The following PLA2G7 variants were observed in gnomAD, a reference collection of about 807,000 sequenced individuals.
The protein encoded by PLA2G7 is platelet-activating factor acetylhydrolase.
A neutral mutation model predicts 49.6 loss-of-function variants in PLA2G7; 63 were observed. That is an observed-to-expected ratio of 1.27 (90% CI 1.04 to 1.57). PLA2G7 has a LOEUF of 1.57. Ranked by LOEUF, PLA2G7 falls within the 40% of genes most tolerant of loss-of-function variation. PLA2G7 has a pLI of 0.00. For missense variants in PLA2G7, 596 were observed against 521.2 expected (o/e 1.14, Z -1.40); for synonymous variants, 193 against 169.9 (o/e 1.14, Z -1.06).
At chr6:46,706,402 G>A (rs1328048449) in intron 10 of PLA2G7, among the ~76,000 whole-genome samples, 1 of 152,244 alleles carries the variant, frequency 6.6e-6, no homozygotes, top group African/African-American at 2.4e-5. Context: ...TGGATGATCT[G>A]ACTGTAGAGA....
At position 46,711,513 on chromosome 6, in the gene PLA2G7, G is replaced by T; in HGVS notation, c.646C>A (p.His216Asn). 1 of 1,613,698 alleles carries T rather than the reference G, an allele frequency of 6.2e-7. No individual in the cohort carries two copies. Among genetic ancestry groups the T allele is most frequent in the Middle Eastern group, 1.7e-4 (1 of 6,056 alleles). Reference sequence around the variant, plus strand: ...CAATGTACCTGCTCATTTCGTATATGTGTCTCCTCCTCTTGTTTCAGGGTT... The same window carrying T: ...CAATGTACCTGCTCATTTCGTATATTTGTCTCCTCCTCTTGTTTCAGGGTT... ...LRTLKQEEET[H>N]IRNEQVRQRA... The change falls in exon 7 of 12, where the codon CAT becomes AAT. Residue 216 changes from histidine to asparagine, a missense_variant. By Grantham distance (68) the His-to-Asn change is moderately conservative. Coordinates refer to ENST00000274793, the MANE Select transcript of PLA2G7 (RefSeq NM_005084.4).
chr6:46,708,466 C>A (rs560341992), intron 9 of PLA2G7, among the ~76,000 whole-genome samples: 1 of 152,092 alleles, frequency 6.6e-6, no homozygotes, highest in Admixed American at 6.6e-5. Context: ...ATAATTTCTT[C>A]AACACTGTGG....
chr6:46,734,401 G>GGTGTGT lies in PLA2G7; in HGVS notation c.-35+773_-35+778dup, dbSNP rs371692865. Reference sequence around the variant, plus strand: ...GGAGGCAGAGTGAGAGGTGTGTAGTGGTGTGTGTGTGTGTGAGAGAGAGAG... The same window carrying GGTGTGT: ...GGAGGCAGAGTGAGAGGTGTGTAGTGGTGTGTGTGTGTGTGTGTGTGAGAGAGAGAG... On this transcript the variant is annotated intron_variant, in intron 1 of 11. Coordinates refer to ENST00000274793, the MANE Select transcript of PLA2G7 (RefSeq NM_005084.4). Among the ~76,000 whole-genome samples, 628 of 75,382 alleles carry GGTGTGT rather than the reference G, an allele frequency of 8.3e-3. 99 individuals carry two copies. The highest frequency in any genetic ancestry group is 0.026 in the African/African-American group (282 of 10,778). 49.5% of individuals were successfully genotyped at this position (75,382 alleles called of 152,430 possible).
chr6:46,727,408 C>T (rs939692324), intron 1 of PLA2G7, among the ~76,000 whole-genome samples: 1 of 152,176 alleles, frequency 6.6e-6, no homozygotes, highest in Non-Finnish European at 1.5e-5. Flanking sequence ...TGGGCCTTAG[C>T]TCTTGTGTTA....
Position 46,705,318 on chromosome 6 carries a change from C to T in PLA2G7, c.1041-17G>A, listed in dbSNP as rs373678655. ...ACTGAACCCCTAAAAGAGAACAAGA[C>T]ATTTAAAAGTCACATTGTTTGATAA... On this transcript the variant is annotated splice_polypyrimidine_tract_variant and intron_variant, in intron 10 of 11. Transcript: ENST00000274793. 2.0e-5 allele frequency: 32 copies of T among 1,604,074 alleles called. No homozygotes were observed. The highest frequency in any genetic ancestry group is 2.5e-5 in the Non-Finnish European group (29 of 1,171,834).
chr6:46,731,875 A>G (rs1391611781), intron 1 of PLA2G7, among the ~76,000 whole-genome samples: 1 of 151,914 alleles, frequency 6.6e-6, no homozygotes, highest in Non-Finnish European at 1.5e-5. Flanking sequence ...TCCCACTGTA[A>G]CTCCAAAAAA....
At chr6:46,728,174 A>G (rs34405250) in intron 1 of PLA2G7, among the ~76,000 whole-genome samples, 31,679 of 152,174 alleles carry the variant, frequency 0.21, 3,754 homozygotes, top group South Asian at 0.46. Flanking sequence ...TCTTCTTTGG[A>G]TATTTTACAA....
chr6:46,722,744 G>A (rs1416996628), intron 2 of PLA2G7, 39 bp downstream of exon 2: 7 of 1,207,002 alleles, frequency 5.8e-6, no homozygotes, highest in Non-Finnish European at 8.6e-6. Flanking sequence ...TATGGCGACA[G>A]ATCAGTTGCT....
At chr6:46,721,628 A>G (rs1295997517) in intron 2 of PLA2G7, among the ~76,000 whole-genome samples, 1 of 150,000 alleles carries the variant, frequency 6.7e-6, no homozygotes, top group Non-Finnish European at 1.5e-5. Context: ...ACTTAATGTC[A>G]TCTAGGATGC....
intron 2 of PLA2G7, among the ~76,000 whole-genome samples, chr6:46,718,027 T>C (rs950747059): frequency 6.6e-6 from 1 of 152,222 alleles, no homozygotes; most frequent in African/African-American, 2.4e-5. Context: ...CAAACCTCTA[T>C]TGCTAACATT....
At chr6:46,728,248 A>G (rs1167244130) in intron 1 of PLA2G7, among the ~76,000 whole-genome samples, 2 of 152,160 alleles carry the variant, frequency 1.3e-5, no homozygotes, top group Non-Finnish European at 1.5e-5. Context: ...CAACTAAGGC[A>G]TTTTTGCCCC....
At chr6:46,731,468 T>A (rs1765733202) in intron 1 of PLA2G7, among the ~76,000 whole-genome samples, 1 of 152,186 alleles carries the variant, frequency 6.6e-6, no homozygotes, top group South Asian at 2.1e-4. Flanking sequence ...CTTTAATTAT[T>A]CTATTTTTGA....
chr6:46,704,777 A>T lies in PLA2G7; in HGVS notation c.1190-81T>A, dbSNP rs1465846545. ...TTGGTGCCCCTAGGTGGCAATAAAGATTTACAAATTACACAAGTTCCGTTA... is the reference window on the plus strand; with the variant it reads ...TTGGTGCCCCTAGGTGGCAATAAAGTTTTACAAATTACACAAGTTCCGTTA... On this transcript the variant is annotated intron_variant, in intron 11 of 11. Transcript: ENST00000274793. 3 of 854,368 alleles carry T rather than the reference A, an allele frequency of 3.5e-6. No individual in the cohort carries two copies. The African/African-American group carries it at 5.0e-5, about 14-fold the overall frequency. The allele number at this position is 854,368 out of a possible 1,614,324, so 52.9% of individuals were successfully genotyped here.
intron 2 of PLA2G7, among the ~76,000 whole-genome samples, chr6:46,718,889 C>G (rs1480077501): frequency 2.6e-5 from 4 of 152,198 alleles, no homozygotes; most frequent in Non-Finnish European, 5.9e-5. Context: ...AGTCAATGCT[C>G]AACAAATACT....
intron 8 of PLA2G7, 125 bp from the exon 9 acceptor site, chr6:46,709,543 A>G: frequency 3.0e-6 from 2 of 672,564 alleles, no homozygotes; most frequent in Non-Finnish European, 5.4e-6. Flanking sequence ...ATAAAATAGA[A>G]TATACATATA....
rs202223822 is a variant in PLA2G7 at position 46,711,561 on chromosome 6, C to G, written c.598G>C (p.Asp200His). ...GTTCTAAGGTAGAGCCAAGACTTGT[C>G]CCCTATTTCTGCAGCAGATTGGTCC... Reference protein sequence around the residue: ...FKDQSAAEIGDKSWLYLRTLK... With the variant: ...FKDQSAAEIGHKSWLYLRTLK... Residue 200 changes from aspartate to histidine, a missense_variant, in exon 7 of 12, where the codon GAC becomes CAC. Physicochemically the swap from Asp to His is moderately conservative, Grantham distance 81. Coordinates refer to ENST00000274793, the MANE Select transcript of PLA2G7 (RefSeq NM_005084.4). 4.3e-6 allele frequency: 7 copies of G among 1,613,452 alleles called. No individual in the cohort carries two copies. Among genetic ancestry groups the G allele is most frequent in the African/African-American group, 4.0e-5 (3 of 74,914 alleles).
In PLA2G7 at chr6:46,708,065, G is replaced by A; in HGVS notation, c.966C>T (p.Phe322=). 6.3e-7 allele frequency: 1 copy of A among 1,594,890 alleles called. No homozygotes were observed. The highest frequency in any genetic ancestry group is 8.6e-7 in the Non-Finnish European group (1 of 1,162,818). Reference sequence around the variant, plus strand: ...TTTTTATGATATTAGCAGGATATTGGAAATATTCAGAGTTGATAAAAAAGA... The same window carrying A: ...TTTTTATGATATTAGCAGGATATTGAAAATATTCAGAGTTGATAAAAAAGA... ...QPLFFINSEY[F]QYPANIIKMK... Residue 322 remains phenylalanine, a synonymous_variant, in exon 10 of 12, where the codon TTC becomes TTT. Transcript: ENST00000274793.
intron 7 of PLA2G7, 85 bp downstream of exon 7, chr6:46,711,411 C>A: frequency 1.7e-5 from 24 of 1,444,470 alleles, no homozygotes; most frequent in Non-Finnish European, 2.2e-5. Context: ...GCATAACTTG[C>A]CAGGTGTAAA....
chr6:46,709,109 G>GA (rs1764923890), intron 9 of PLA2G7, among the ~76,000 whole-genome samples: 1 of 152,110 alleles, frequency 6.6e-6, no homozygotes, highest in African/African-American at 2.4e-5. Flanking sequence ...AATAATGAGG[G>GA]AAAACTTATG....
Sources: gnomAD v4.1 joint callset for allele counts (sites outside exome capture counted in the v4.1 genomes callset) on GRCh38, gnomAD v4.1.1 for gene constraint, MANE v1.5 for transcripts, NCBI Gene and HGNC (gene_info 2026-07-23, HGNC 2026-07-21) for gene names.